Variants in HUNK observed in about 807,000 individuals in gnomAD.
The protein encoded by HUNK is hormonally up-regulated Neu-associated kinase.
HUNK carries 21 observed loss-of-function variants against 61.0 expected under a neutral mutation model. The ratio of observed to expected loss-of-function variants is 0.34; its 90% CI spans 0.24 to 0.50. The LOEUF (loss-of-function observed/expected upper bound fraction) is 0.50. HUNK is among the 20% of genes least tolerant of loss of function. HUNK has a pLI of 0.98. For synonymous variants in HUNK, 371 were observed against 386.1 expected, an observed-to-expected ratio of 0.96 and a Z score of 0.46; for missense variants, 772 against 945.7, an observed-to-expected ratio of 0.82 and a Z score of 2.41.
At chr21:31,901,030 A>G (rs1601367001) in intron 1 of HUNK, among the ~76,000 whole-genome samples, 1 of 151,970 alleles carries the variant, frequency 6.6e-6, no homozygotes, top group East Asian at 1.9e-4. Flanking sequence ...CAGCCTTCCC[A>G]TGGCATTCTC....
intron 8 of HUNK, among the ~76,000 whole-genome samples, chr21:31,984,763 T>C (rs997347206): frequency 1.3e-5 from 2 of 152,178 alleles, no homozygotes; most frequent in Non-Finnish European, 2.9e-5. Flanking sequence ...CACCTTCCCT[T>C]TTCCCTCTGG....
At chr21:31,884,608 A>T (rs2052332828) in intron 1 of HUNK, among the ~76,000 whole-genome samples, 2 of 151,478 alleles carry the variant, frequency 1.3e-5, no homozygotes, top group South Asian at 4.2e-4. Flanking sequence ...AAAAATAAAT[A>T]AATAAAGGGT....
chr21:31,890,916 T>C (rs1486480227), intron 1 of HUNK, among the ~76,000 whole-genome samples: 1 of 152,222 alleles, frequency 6.6e-6, no homozygotes, highest in East Asian at 1.9e-4. Flanking sequence ...GTTTATCTTA[T>C]TGGTTTATAG....
intron 7 of HUNK, among the ~76,000 whole-genome samples, chr21:31,983,305 G>C (rs2053110980): frequency 1.3e-5 from 2 of 152,200 alleles, no homozygotes; most frequent in Non-Finnish European, 2.9e-5. Flanking sequence ...GGCAGCGATA[G>C]TAACACAAAG....
intron 7 of HUNK, among the ~76,000 whole-genome samples, chr21:31,976,854 T>A (rs999390424): frequency 6.6e-6 from 1 of 151,066 alleles, no homozygotes; most frequent in African/African-American, 2.4e-5. Context: ...CACTGCAACA[T>A]CTGCTTCCTG....
At chr21:31,985,742 A>G (rs757954208) in intron 8 of HUNK, among the ~76,000 whole-genome samples, 2 of 152,196 alleles carry the variant, frequency 1.3e-5, no homozygotes, top group African/African-American at 2.4e-5. Context: ...TGAGGATGTT[A>G]GAAAGAACAG....
At chr21:31,966,223 C>T (rs2052965354) in intron 5 of HUNK, among the ~76,000 whole-genome samples, 1 of 152,166 alleles carries the variant, frequency 6.6e-6, no homozygotes, top group Admixed American at 6.5e-5. Context: ...ATCCAGGTTG[C>T]TGTGAATGCC....
intron 2 of HUNK, among the ~76,000 whole-genome samples, chr21:31,939,465 A>G (rs1263899887): frequency 7.5e-6 from 1 of 132,802 alleles, no homozygotes; most frequent in Admixed American, 8.5e-5. Context: ...CTGGAGTGCA[A>G]TGGTGCAATC....
In HUNK at chr21:31,916,733, A is replaced by G. The variant is rs78261926; in HGVS notation, c.262-7735A>G. Among the ~76,000 whole-genome samples the G allele has an allele frequency of 3.2e-3, 486 of 150,272 alleles. 1 individual carries two copies. The highest frequency in any genetic ancestry group is 0.011 in the African/African-American group (429 of 40,856). ...GCTCTGTCACCCAGGCTGGAGTGCA[A>G]TGGAGCTTTCTTGGCTCACTGCAGG... On this transcript the variant is annotated intron_variant, in intron 1 of 10. Transcript: ENST00000270112.
Position 31,974,559 on chromosome 21 carries a change from T to C in HUNK, c.1015T>C (p.Ser339Pro). 6.2e-7 allele frequency: 1 copy of C among 1,612,876 alleles called. No homozygotes were observed. Among genetic ancestry groups the C allele is most frequent in the Middle Eastern group, 1.7e-4 (1 of 6,034 alleles). Reference protein sequence around the residue: ...PCNVTYPNRISLEDLSPSVVL... With the variant: ...PCNVTYPNRIPLEDLSPSVVL... ...CTCTCTCTCTGCACCTCGCAGGATT[T>C]CTCTGGAAGATCTGAGCCCGAGCGT... The change falls in exon 7 of 11, where the codon TCT becomes CCT. Residue 339 changes from serine (S) to proline (P), a missense_variant. Transcript: ENST00000270112.
At chr21:31,940,034 A>C (rs2052759488) in intron 2 of HUNK, 131 bp from the exon 3 acceptor site, 1 of 653,674 alleles carries the variant, frequency 1.5e-6, no homozygotes, top group Non-Finnish European at 2.7e-6. Context: ...TTGTTGATTG[A>C]GTTTTGGCAG....
At chr21:31,961,333 CT>C (rs1474486538) in intron 5 of HUNK, among the ~76,000 whole-genome samples, 1 of 152,038 alleles carries the variant, frequency 6.6e-6, no homozygotes, top group Non-Finnish European at 1.5e-5. Context: ...CAGTTTGGGG[CT>C]ATCATGAATA....
intron 1 of HUNK, among the ~76,000 whole-genome samples, chr21:31,913,196 G>A (rs2052558003): frequency 6.6e-6 from 1 of 152,146 alleles, no homozygotes; most frequent in Non-Finnish European, 1.5e-5. Flanking sequence ...TGTGACAGCT[G>A]GAGAGGCCCG....
At chr21:31,944,925 T>G (rs1486339571) in intron 3 of HUNK, among the ~76,000 whole-genome samples, 2 of 152,236 alleles carry the variant, frequency 1.3e-5, no homozygotes, top group African/African-American at 4.8e-5. Context: ...CTGGACTGTA[T>G]TTCTCCTTCC....
At chr21:31,998,407 G>A (rs1174259980) in intron 10 of HUNK, 119 bp from the exon 11 acceptor site, 2 of 1,000,242 alleles carry the variant, frequency 2.0e-6, no homozygotes, top group Admixed American at 2.4e-5. Context: ...TTGCCGGTTG[G>A]TTTCTTCTGA....
At chr21:31,916,335 C>T (rs1447748046) in intron 1 of HUNK, among the ~76,000 whole-genome samples, 2 of 151,964 alleles carry the variant, frequency 1.3e-5, no homozygotes, top group Non-Finnish European at 2.9e-5. Context: ...CAGGTGTGAG[C>T]CATTGCGCCC....
intron 6 of HUNK, 22 bp from the exon 7 acceptor site, chr21:31,974,533 C>A (rs762632455): frequency 1.2e-6 from 2 of 1,603,386 alleles, no homozygotes; most frequent in Admixed American, 3.4e-5. Context: ...GGTGACTGGT[C>A]CTCTCTCTCT....
At chr21:31,929,754 C>T (rs1345508264) in intron 2 of HUNK, among the ~76,000 whole-genome samples, 1 of 152,242 alleles carries the variant, frequency 6.6e-6, no homozygotes, top group Non-Finnish European at 1.5e-5. Flanking sequence ...TGTGTCAACA[C>T]CGTGGCTCCC....
At chr21:31,978,971 C>T (rs1190955991) in intron 7 of HUNK, among the ~76,000 whole-genome samples, 1 of 152,040 alleles carries the variant, frequency 6.6e-6, no homozygotes. Context: ...CTTTCTTCTC[C>T]ACATCCTCTC....
Sources: gnomAD v4.1 joint callset for allele counts (sites outside exome capture counted in the v4.1 genomes callset) on GRCh38, gnomAD v4.1.1 for gene constraint, MANE v1.5 for transcripts, NCBI Gene and HGNC (gene_info 2026-07-23, HGNC 2026-07-21) for gene names.